The following TRAM2 variants were observed in gnomAD, a reference collection of about 807,000 sequenced individuals.
The protein encoded by TRAM2 is translocating chain-associated membrane protein 2.
A neutral mutation model predicts 51.0 loss-of-function variants in TRAM2; 12 were observed. The observed-to-expected ratio is 0.24, with a 90% CI of 0.15 to 0.38. The LOEUF is 0.38. TRAM2 is among the 10% of genes least tolerant of loss of function. The pLI, the probability that TRAM2 is intolerant of heterozygous loss-of-function variation, is 1.00. For synonymous variants in TRAM2, 175 were observed against 179.4 expected, an observed-to-expected ratio of 0.98 and a Z score of 0.20; for missense variants, 361 against 462.0, an observed-to-expected ratio of 0.78 and a Z score of 2.00.
At chr6:52,527,788 CGGA>C (rs1357523116) in intron 2 of TRAM2, among the ~76,000 whole-genome samples, 1 of 152,192 alleles carries the variant, frequency 6.6e-6, no homozygotes, top group African/African-American at 2.4e-5. Context: ...CTAGGTTGCA[CGGA>C]GGTGTTCAGT....
chr6:52,506,154 TAG>T lies in TRAM2; in HGVS notation c.627-20_627-19del. The T allele has an allele frequency of 6.2e-7, 1 of 1,606,920 alleles. No homozygotes were observed. Among genetic ancestry groups the T allele is most frequent in the Non-Finnish European group, 8.5e-7 (1 of 1,175,124 alleles). ...GGCTCAGGCTGGGGGTGGGGAAGAC[TAG>T]ACTTACATTCCCTCCAAGATGCTGC... On this transcript the variant is annotated intron_variant, in intron 7 of 10. Transcript: ENST00000182527.
At chr6:52,575,555 A>G (rs1767748899) in intron 1 of TRAM2, among the ~76,000 whole-genome samples, 1 of 152,194 alleles carries the variant, frequency 6.6e-6, no homozygotes, top group African/African-American at 2.4e-5. Context: ...CTTGGCCACC[A>G]CAAGAACGTT....
chr6:52,567,687 C>G (rs1767611160), intron 1 of TRAM2, among the ~76,000 whole-genome samples: 1 of 152,196 alleles, frequency 6.6e-6, no homozygotes, highest in Non-Finnish European at 1.5e-5. Flanking sequence ...AGTTTTGAAA[C>G]TTCAACATTG....
chr6:52,569,978 C>T (rs756779080), intron 1 of TRAM2, among the ~76,000 whole-genome samples: 7 of 152,190 alleles, frequency 4.6e-5, no homozygotes, highest in Non-Finnish European at 7.4e-5. Flanking sequence ...TTCTAGCCCC[C>T]GTTTTGCCAA....
At chr6:52,521,665 C>T (rs551014731) in intron 2 of TRAM2, among the ~76,000 whole-genome samples, 150 of 151,460 alleles carry the variant, frequency 9.9e-4, no homozygotes, top group Middle Eastern at 3.4e-3. Context: ...CCACTGCACT[C>T]TAGCCTGGGA....
At chr6:52,558,238 G>A (rs1259876788) in intron 1 of TRAM2, among the ~76,000 whole-genome samples, 3 of 152,136 alleles carry the variant, frequency 2.0e-5, no homozygotes, top group African/African-American at 7.2e-5. Flanking sequence ...CTTGCAATCA[G>A]CAAGTAGCCA....
chr6:52,523,944 T>C (rs916719346), intron 2 of TRAM2: 32 of 152,276 alleles, frequency 2.1e-4, no homozygotes, highest in African/African-American at 6.3e-4. Flanking sequence ...CCCAGGCCTA[T>C]TGGCTCAGAA....
chr6:52,503,107 G>C lies in TRAM2; in HGVS notation c.*90C>G. 1 of 1,104,010 alleles carries C rather than the reference G, an allele frequency of 9.1e-7. No individual in the cohort carries two copies. The highest frequency in any genetic ancestry group is 1.4e-6 in the Non-Finnish European group (1 of 718,878). 68.4% of individuals were successfully genotyped at this position (1,104,010 alleles called of 1,614,324 possible). A position where few individuals can be genotyped will look rare whatever the true frequency, so the allele number is the denominator to read the frequency against. ...CGGCTGTTTGAGACGGAGCATCACA[G>C]GCAGGAAGGAGGAGGCAGGGAGGGG... On this transcript the variant is annotated 3_prime_UTR_variant, in exon 11 of 11. Coordinates refer to ENST00000182527, the MANE Select transcript of TRAM2 (RefSeq NM_012288.4).
rs557174364 is a variant in TRAM2 at position 52,576,939 on chromosome 6, C to G, written c.-24G>C. On this transcript the variant is annotated 5_prime_UTR_variant, in exon 1 of 11. Transcript: ENST00000182527. ...ATGGCAGCGGGCGCGCAGCGGCCGG[C>G]GGGGCCCGCACCCTGCGCTCACGAA... 4.4e-6 allele frequency: 7 copies of G among 1,594,556 alleles called. No homozygotes were observed. In the South Asian group the frequency reaches 7.8e-5, roughly 18 times the overall value.
intron 1 of TRAM2, among the ~76,000 whole-genome samples, chr6:52,552,928 T>C (rs1007332675): frequency 6.6e-6 from 1 of 152,168 alleles, no homozygotes; most frequent in Non-Finnish European, 1.5e-5. Flanking sequence ...TTTACTATTT[T>C]ATTAAATCCA....
chr6:52,541,230 T>C (rs79712581), intron 1 of TRAM2, among the ~76,000 whole-genome samples: 19,056 of 152,222 alleles, frequency 0.13, 1,301 homozygotes, highest in African/African-American at 0.16. Flanking sequence ...CATCTATTAA[T>C]AACGACAACA....
At chr6:52,552,936 C>T (rs1767334884) in intron 1 of TRAM2, among the ~76,000 whole-genome samples, 1 of 152,132 alleles carries the variant, frequency 6.6e-6, no homozygotes, top group African/African-American at 2.4e-5. Flanking sequence ...TTTATTAAAT[C>T]CATCATTTCT....
chr6:52,526,234 T>G (rs1766779386), intron 2 of TRAM2, among the ~76,000 whole-genome samples: 1 of 151,520 alleles, frequency 6.6e-6, no homozygotes, highest in Non-Finnish European at 1.5e-5. Flanking sequence ...ATCTGACAGA[T>G]CTTCAGAGTT....
chr6:52,508,294 T>C lies in TRAM2; in HGVS notation c.495A>G (p.Leu165=), dbSNP rs747521977. The change falls in exon 6 of 11, where the codon CTA becomes CTG. Residue 165 remains leucine (L), a synonymous_variant. Coordinates refer to ENST00000182527, the MANE Select transcript of TRAM2 (RefSeq NM_012288.4). ...HLPFQVKFFY[L]CQLAYWLHAL... is the part of the protein sequence containing the mutation. ...CGTGCAGCCAGTAGGCCAGCTGGCA[T>C]AGGTAGAAAAACTTCACCTGGAAGC... is the stretch of plus-strand genomic sequence containing the variant. 4 of 1,613,876 alleles carry C rather than the reference T, an allele frequency of 2.5e-6. No homozygotes were observed. In the Admixed American group the frequency reaches 5.0e-5, roughly 20 times the overall value.
chr6:52,502,050 A>C lies in TRAM2; in HGVS notation c.*1147T>G, dbSNP rs1766240219. 1 of 152,272 alleles carries C rather than the reference A, an allele frequency of 6.6e-6. No homozygotes were observed. The highest frequency in any genetic ancestry group is 2.4e-5 in the African/African-American group (1 of 41,452). 9.4% of individuals were successfully genotyped at this position (152,272 alleles called of 1,614,324 possible). A position where few individuals can be genotyped will look rare whatever the true frequency, so the allele number is the denominator to read the frequency against. On this transcript the variant is annotated 3_prime_UTR_variant, in exon 11 of 11. Transcript: ENST00000182527. ...AGTCTAAAATGCTGTAGTTGTGCTC[A>C]AAAAACGACAATTCCAAAGAACACT...
intron 1 of TRAM2, among the ~76,000 whole-genome samples, chr6:52,568,777 A>G (rs1767630149): frequency 6.6e-6 from 1 of 152,142 alleles, no homozygotes; most frequent in South Asian, 2.1e-4. Context: ...AAAATTAAAT[A>G]CCCTCTAAGA....
At chr6:52,509,461 T>C in intron 5 of TRAM2, 67 bp downstream of exon 5, 1 of 1,524,156 alleles carries the variant, frequency 6.6e-7, no homozygotes, top group Non-Finnish European at 9.1e-7. Flanking sequence ...CTGGCCACAC[T>C]CCGCTGGGAC....
In TRAM2 at chr6:52,497,633, T is replaced by C. The variant is rs1451585316; in HGVS notation, c.*5564A>G. 6.6e-6 allele frequency: 1 copy of C among 152,306 alleles called. No individual in the cohort carries two copies. The highest frequency in any genetic ancestry group is 2.4e-5 in the African/African-American group (1 of 41,308). 9.4% of individuals were successfully genotyped at this position (152,306 alleles called of 1,614,324 possible). The stretch of plus-strand genomic sequence containing the variant: ...CAGGTACAAATTTTCCTTGAGTTCC[T>C]TGTTGAAATTTGGTCCATATGAACA... On this transcript the variant is annotated 3_prime_UTR_variant, in exon 11 of 11. Coordinates refer to ENST00000182527, the MANE Select transcript of TRAM2 (RefSeq NM_012288.4).
At chr6:52,551,355 T>C (rs1437525939) in intron 1 of TRAM2, among the ~76,000 whole-genome samples, 1 of 152,236 alleles carries the variant, frequency 6.6e-6, no homozygotes, top group Non-Finnish European at 1.5e-5. Context: ...TACCTTTATG[T>C]GCTCAGAGTG....
Sources: gnomAD v4.1 joint callset for allele counts (sites outside exome capture counted in the v4.1 genomes callset) on GRCh38, gnomAD v4.1.1 for gene constraint, MANE v1.5 for transcripts, NCBI Gene and HGNC (gene_info 2026-07-23, HGNC 2026-07-21) for gene names.